TSGA10: variants seen among roughly 807,000 people sequenced by gnomAD.
TSGA10 encodes testis specific 10.
A neutral mutation model predicts 96.6 loss-of-function variants in TSGA10; 43 were observed. The ratio of observed to expected loss-of-function variants is 0.44; its 90% CI spans 0.35 to 0.57. TSGA10 has a LOEUF of 0.57. TSGA10 is among the 20% of genes least tolerant of loss of function. The pLI is 0.01. For missense variants in TSGA10, 703 were observed against 834.4 expected (o/e 0.84, Z 1.94); for synonymous variants, 229 against 269.9 (o/e 0.85, Z 1.48).
chr2:99,121,476 A>ATG (rs1381786614), intron 2 of TSGA10, among the ~76,000 whole-genome samples: 1 of 340 alleles, frequency 2.9e-3, no homozygotes, highest in Non-Finnish European at 0.02. Flanking sequence ...ATATATATAT[A>ATG]TGTGTGTATA....
intron 16 of TSGA10, among the ~76,000 whole-genome samples, chr2:99,047,613 A>G (rs2082929080): frequency 6.6e-6 from 1 of 152,192 alleles, no homozygotes; most frequent in South Asian, 2.1e-4. Context: ...CCCACAGCCA[A>G]TATCATAATG....
chr2:99,116,702 G>A (rs2092287230), intron 4 of TSGA10, among the ~76,000 whole-genome samples: 1 of 151,376 alleles, frequency 6.6e-6, no homozygotes, highest in Non-Finnish European at 1.5e-5. Flanking sequence ...AAAAAAAAAA[G>A]ATTGGCAAAT....
At chr2:99,006,278 C>T (rs1302029581) in intron 20 of TSGA10, among the ~76,000 whole-genome samples, 1 of 151,980 alleles carries the variant, frequency 6.6e-6, no homozygotes, top group Admixed American at 6.6e-5. Flanking sequence ...GCAACAAAAG[C>T]CAAAATTGAC....
chr2:99,034,344 G>A (rs548919880), intron 17 of TSGA10, among the ~76,000 whole-genome samples: 1 of 152,172 alleles, frequency 6.6e-6, no homozygotes, highest in East Asian at 1.9e-4. Flanking sequence ...GGAGGTTGCA[G>A]TGAGCCGAGA....
chr2:99,098,438 C>CAAAAAAAAAAAAAAAAA (rs59144676), intron 10 of TSGA10, among the ~76,000 whole-genome samples: 1 of 92,604 alleles, frequency 1.1e-5, no homozygotes, highest in East Asian at 2.4e-4. Flanking sequence ...GACTCTGCCT[C>CAAAAAAAAAAAAAAAAA]AAAAAAAAAA....
chr2:99,118,460 A>T, intron 3 of TSGA10, 91 bp downstream of exon 3: 1 of 523,884 alleles, frequency 1.9e-6, no homozygotes, highest in African/African-American at 2.0e-5. Flanking sequence ...CAAAAAAAAA[A>T]AAAAAAAAGT....
intron 10 of TSGA10, among the ~76,000 whole-genome samples, chr2:99,086,234 A>G (rs1484411447): frequency 6.6e-6 from 1 of 152,074 alleles, no homozygotes; most frequent in African/African-American, 2.4e-5. Context: ...TCTTTTGTGG[A>G]AAAAAAAGAA....
intron 17 of TSGA10, among the ~76,000 whole-genome samples, chr2:99,021,979 C>T (rs763800196): frequency 2.6e-5 from 4 of 152,042 alleles, no homozygotes; most frequent in Non-Finnish European, 4.4e-5. Flanking sequence ...CATATTAACA[C>T]AGTTGTACAA....
chr2:99,088,847 T>G (rs1028522391), intron 10 of TSGA10, among the ~76,000 whole-genome samples: 4 of 152,188 alleles, frequency 2.6e-5, no homozygotes, highest in Non-Finnish European at 4.4e-5. Context: ...GGACTACTAC[T>G]TCACAATTTT....
Position 99,109,517 on chromosome 2 carries a change from AAGG to A in TSGA10, c.-73-8_-73-6del. On this transcript the variant is annotated splice_polypyrimidine_tract_variant and splice_region_variant and intron_variant, in intron 5 of 20. Coordinates refer to ENST00000393483, the MANE Select transcript of TSGA10 (RefSeq NM_025244.4). ...GTCTTGACAAAGGAATCAAGTCTAG[AAGG>A]AGATTTATTTTGTGCTTTTTCAGTA... 2 of 1,558,176 alleles carry A rather than the reference AAGG, an allele frequency of 1.3e-6. No individual in the cohort carries two copies. Among genetic ancestry groups the A allele is most frequent in the Non-Finnish European group, 1.7e-6 (2 of 1,148,302 alleles).
chr2:99,111,248 T>A (rs1322444361), intron 4 of TSGA10, among the ~76,000 whole-genome samples: 1 of 152,084 alleles, frequency 6.6e-6, no homozygotes, highest in Non-Finnish European at 1.5e-5. Context: ...ATGACTAGAA[T>A]AAAATAAGTT....
At chr2:99,141,083 C>G (rs2093525899) in intron 1 of TSGA10, 3 of 1,283,320 alleles carry the variant, frequency 2.3e-6, no homozygotes, top group South Asian at 2.5e-5. Context: ...CAGCTTCTAC[C>G]TGGAGCTCCG....
At chr2:99,142,948 C>T (rs2093587490) in intron 1 of TSGA10, among the ~76,000 whole-genome samples, 1 of 151,772 alleles carries the variant, frequency 6.6e-6, no homozygotes, top group Admixed American at 6.6e-5. Context: ...CTAGACGGTA[C>T]TGAAGATTAT....
chr2:99,110,159 C>T (rs1559048065), intron 5 of TSGA10, among the ~76,000 whole-genome samples: 1 of 152,092 alleles, frequency 6.6e-6, no homozygotes, highest in South Asian at 2.1e-4. Flanking sequence ...AGCAAGACTC[C>T]ATCTCAAAAG....
intron 1 of TSGA10, among the ~76,000 whole-genome samples, chr2:99,138,661 T>C (rs568287320): frequency 1.7e-4 from 26 of 152,282 alleles, no homozygotes; most frequent in African/African-American, 6.0e-4. Flanking sequence ...ACAACCAAGG[T>C]TGTGGAAACG....
At chr2:99,051,679 T>A (rs192603610) in intron 16 of TSGA10, among the ~76,000 whole-genome samples, 2 of 152,150 alleles carry the variant, frequency 1.3e-5, no homozygotes, top group African/African-American at 2.4e-5. Context: ...AGAATACATA[T>A]TTTTTTCAAG....
intron 4 of TSGA10, among the ~76,000 whole-genome samples, chr2:99,115,699 A>T (rs907620752): frequency 2.0e-5 from 3 of 152,030 alleles, no homozygotes; most frequent in African/African-American, 7.2e-5. Context: ...GGCCAACATG[A>T]TGAAACCCTA....
At chr2:99,039,093 A>AAT (rs1272664220) in intron 16 of TSGA10, among the ~76,000 whole-genome samples, 3 of 152,100 alleles carry the variant, frequency 2.0e-5, no homozygotes, top group Non-Finnish European at 4.4e-5. Context: ...TGAGCTGAAC[A>AAT]ATAATAGTGC....
chr2:99,071,817 T>C lies in TSGA10; in HGVS notation c.996A>G (p.Gln332=), dbSNP rs370379242. ...CEQDVSRMRR[Q]LDETNDELAQ... ...CCAGCTCATCATTTGTCTCATCCAATTGCCGACGCATTCTGGAAACGTCTT... is the reference window on the plus strand; with the variant it reads ...CCAGCTCATCATTTGTCTCATCCAACTGCCGACGCATTCTGGAAACGTCTT... The change falls in exon 14 of 21, where the codon CAA becomes CAG. Residue 332 remains glutamine, a synonymous_variant. Transcript: ENST00000393483. 4 of 1,613,934 alleles carry C rather than the reference T, an allele frequency of 2.5e-6. No individual in the cohort carries two copies. The highest frequency in any genetic ancestry group is 1.7e-5 in the Admixed American group (1 of 60,000).
Sources: allele counts gnomAD v4.1 joint callset (sites outside exome capture counted in the v4.1 genomes callset), GRCh38; gene constraint gnomAD v4.1.1; transcripts MANE v1.5; gene names NCBI Gene and HGNC (gene_info 2026-07-23, HGNC 2026-07-21).